DYM: variants seen among roughly 807,000 people sequenced by gnomAD.
DYM encodes the protein dyggve-Melchior-Clausen syndrome protein.
DYM carries 78 observed loss-of-function variants against 93.1 expected under a neutral mutation model. That is an observed-to-expected ratio of 0.84 (90% confidence interval 0.70 to 1.01). DYM has a LOEUF of 1.01. Ranked by LOEUF, DYM falls within the 50% of genes least tolerant of loss-of-function variation. The pLI is 0.00. For synonymous variants in DYM, 321 were observed against 319.7 expected (o/e 1.00, Z -0.04); for missense variants, 789 against 845.0 (o/e 0.93, Z 0.82).
intron 13 of DYM, among the ~76,000 whole-genome samples, chr18:49,218,179 G>A (rs1012229492): frequency 2.6e-5 from 4 of 152,156 alleles, no homozygotes; most frequent in African/African-American, 9.7e-5. Flanking sequence ...TAATGGTAAA[G>A]GGATCAATTC....
chr18:49,350,492 G>A (rs529707384), intron 6 of DYM, among the ~76,000 whole-genome samples: 2 of 152,194 alleles, frequency 1.3e-5, no homozygotes, highest in East Asian at 3.9e-4. Flanking sequence ...CGGATCACGA[G>A]GTCAGGAGTT....
chr18:49,322,620 T>G (rs1445877736), intron 8 of DYM, among the ~76,000 whole-genome samples: 1 of 152,052 alleles, frequency 6.6e-6, no homozygotes, highest in Non-Finnish European at 1.5e-5. Context: ...CATTATTATA[T>G]GTATGTTATA....
In DYM at chr18:49,081,958, G is replaced by C. The variant is rs185927489; in HGVS notation, c.2025+15444C>G. Among the ~76,000 whole-genome samples, 39 of 152,344 alleles carry C rather than the reference G, an allele frequency of 2.6e-4. No homozygotes were observed. In the East Asian group the frequency reaches 6.8e-3, roughly 26 times the overall value. On this transcript the variant is annotated intron_variant, in intron 17 of 17. Transcript: ENST00000675505. Reference sequence around the variant, plus strand: ...ATGCACCCTCTTCATGAGAGTCTCTGCATCTGCTCACTCTTCGGTATCTTC... The same window carrying C: ...ATGCACCCTCTTCATGAGAGTCTCTCCATCTGCTCACTCTTCGGTATCTTC...
rs577912247 is a variant in DYM at position 49,210,733 on chromosome 18, A to G, written c.1461-1018T>C. Among the ~76,000 whole-genome samples, 13 of 152,276 alleles carry G rather than the reference A, an allele frequency of 8.5e-5. No individual in the cohort carries two copies. In the South Asian group the frequency reaches 2.7e-3, roughly 32 times the overall value. ...TCAATGCAGTTTCATCAACTATAAC[A>G]AATACGTCACTCTGGCACAGGATGT... On this transcript the variant is annotated intron_variant, in intron 13 of 17. Coordinates refer to ENST00000675505, the MANE Select transcript of DYM (RefSeq NM_001353214.3).
At chr18:49,290,895 A>T (rs1438726273) in intron 8 of DYM, among the ~76,000 whole-genome samples, 2 of 152,252 alleles carry the variant, frequency 1.3e-5, no homozygotes, top group South Asian at 2.1e-4. Flanking sequence ...ATAAGCAATT[A>T]AAAATAATAA....
At chr18:49,428,307 A>AT (rs2148438294) in intron 2 of DYM, among the ~76,000 whole-genome samples, 1 of 152,186 alleles carries the variant, frequency 6.6e-6, no homozygotes, top group African/African-American at 2.4e-5. Context: ...AGAAAAAAAA[A>AT]GAAAGAAGCC....
rs1301480658 is a variant in DYM, at chr18:49,333,778, T to C, written c.570A>G (p.Lys190=). 14 of 1,613,912 alleles carry C rather than the reference T, an allele frequency of 8.7e-6. No individual in the cohort carries two copies. The highest frequency in any genetic ancestry group is 1.2e-5 in the Non-Finnish European group (14 of 1,179,932). The change falls in exon 7 of 18, where the codon AAA becomes AAG. Residue 190 remains lysine (K), a synonymous_variant. Transcript: ENST00000675505. ...VVFLSCQLFH[K]EVLRQSISHK... ...GGCTGATGCTCTGTCGCAAAACTTC[T>C]TTGTGGAAGAGTTGGCAGGAAAGGA...
chr18:49,313,773 A>AC (rs902043592), intron 8 of DYM, among the ~76,000 whole-genome samples: 1 of 152,040 alleles, frequency 6.6e-6, no homozygotes, highest in Non-Finnish European at 1.5e-5. Flanking sequence ...CTGGATCGGG[A>AC]CCCCTTTCTG....
At chr18:49,260,629 G>C (rs1402139996) in intron 11 of DYM, among the ~76,000 whole-genome samples, 1 of 152,154 alleles carries the variant, frequency 6.6e-6, no homozygotes, top group Non-Finnish European at 1.5e-5. Context: ...ATATGAGAAA[G>C]TTCCATTGGC....
chr18:49,250,209 G>A (rs986861519), intron 13 of DYM, among the ~76,000 whole-genome samples: 1 of 152,206 alleles, frequency 6.6e-6, no homozygotes, highest in Non-Finnish European at 1.5e-5. Flanking sequence ...TCTATTGTGT[G>A]CCTAGAGAGA....
In DYM at chr18:49,363,250, A is replaced by G. The variant is rs540413566; in HGVS notation, c.422-17T>C. 2 of 1,603,030 alleles carry G rather than the reference A, an allele frequency of 1.2e-6. No individual in the cohort carries two copies. The highest frequency in any genetic ancestry group is 1.7e-6 in the Non-Finnish European group (2 of 1,173,744). On this transcript the variant is annotated splice_polypyrimidine_tract_variant and intron_variant, in intron 5 of 17. Transcript: ENST00000675505. ...AGTCAGAACCTGGTAAGACACATAA[A>G]AAGATTTTTTTTTAACAAAGTACAC... is the stretch of plus-strand genomic sequence containing the variant.
At chr18:49,460,144 T>C (rs577447432) in intron 1 of DYM, among the ~76,000 whole-genome samples, 1 of 152,272 alleles carries the variant, frequency 6.6e-6, no homozygotes, top group Non-Finnish European at 1.5e-5. Context: ...CCGCCCCATC[T>C]CCGGAAGCAC....
chr18:49,130,894 A>G (rs2083321321), intron 15 of DYM, among the ~76,000 whole-genome samples: 1 of 152,210 alleles, frequency 6.6e-6, no homozygotes, highest in African/African-American at 2.4e-5. Context: ...TAGTAGGAAC[A>G]TAGGCCCTGG....
chr18:49,090,544 C>T (rs534776448), intron 17 of DYM, among the ~76,000 whole-genome samples: 4 of 152,248 alleles, frequency 2.6e-5, no homozygotes, highest in Admixed American at 6.5e-5. Flanking sequence ...GGCTGGTGGA[C>T]GGTGTCAGGC....
intron 15 of DYM, among the ~76,000 whole-genome samples, chr18:49,155,268 C>A (rs1353583394): frequency 6.6e-6 from 1 of 152,186 alleles, no homozygotes; most frequent in African/African-American, 2.4e-5. Flanking sequence ...TTCCTACATT[C>A]ACCTTTGTGC....
Position 49,378,595 on chromosome 18 carries a change from A to T in DYM, c.393T>A (p.Thr131=). The change falls in exon 5 of 18, where the codon ACT becomes ACA. Residue 131 remains threonine, a synonymous_variant. Coordinates refer to ENST00000675505, the MANE Select transcript of DYM (RefSeq NM_001353214.3). ...MSEEELQLHF[T]YEEKSPGNYS... is the part of the protein sequence containing the mutation. Reference sequence around the variant, plus strand: ...AATTGCCAGGAGATTTTTCTTCATAAGTAAAATGAAGTTGTAATTCCTCCT... The same window carrying T: ...AATTGCCAGGAGATTTTTCTTCATATGTAAAATGAAGTTGTAATTCCTCCT... 1 of 1,612,090 alleles carries T rather than the reference A, an allele frequency of 6.2e-7. No individual in the cohort carries two copies.
intron 1 of DYM, among the ~76,000 whole-genome samples, chr18:49,454,681 C>T (rs28434066): frequency 0.024 from 3,602 of 151,558 alleles, 137 homozygotes; most frequent in African/African-American, 0.081. Flanking sequence ...CGGTGGATCA[C>T]GAGGTCAGGA....
At chr18:49,198,518 C>T (rs1195290301) in intron 14 of DYM, among the ~76,000 whole-genome samples, 2 of 152,268 alleles carry the variant, frequency 1.3e-5, no homozygotes, top group Admixed American at 6.5e-5. Context: ...CTACAAAGAA[C>T]TCAAACAAAT....
intron 1 of DYM, among the ~76,000 whole-genome samples, chr18:49,439,731 CTG>C (rs1482144547): frequency 1.3e-5 from 2 of 152,124 alleles, no homozygotes; most frequent in African/African-American, 4.8e-5. Flanking sequence ...AGGCCAGGAA[CTG>C]TGGCTCATGC....
Sources: allele counts gnomAD v4.1 joint callset (sites outside exome capture counted in the v4.1 genomes callset), GRCh38; gene constraint gnomAD v4.1.1; transcripts MANE v1.5; gene names NCBI Gene and HGNC (gene_info 2026-07-23, HGNC 2026-07-21).